Variants in CCDC124 observed in about 807,000 individuals in gnomAD.
The protein encoded by CCDC124 is coiled-coil domain containing 124.
In CCDC124, 9 loss-of-function variants were observed where a neutral mutation model predicts 19.8. The observed-to-expected ratio is 0.45, with a 90% CI of 0.27 to 0.79. The LOEUF is 0.79. Ranked by LOEUF, CCDC124 falls within the 30% of genes least tolerant of loss-of-function variation. The pLI is 0.14. For synonymous variants in CCDC124, 126 were observed against 131.3 expected (o/e 0.96, Z 0.27); for missense variants, 285 against 319.0 (o/e 0.89, Z 0.81).
Position 17,943,888 on chromosome 19 carries a change from C to T in CCDC124, c.*173C>T. On this transcript the variant is annotated 3_prime_UTR_variant, in exon 5 of 5. Coordinates refer to ENST00000445755, the MANE Select transcript of CCDC124 (RefSeq NM_001136203.2). ...GTCCTCCCGCCAGAGGGTCCCTGCC[C>T]CGAGTGACACCCCATCCCCTCCCAT... is the stretch of plus-strand genomic sequence containing the variant. 1 of 632,212 alleles carries T rather than the reference C, an allele frequency of 1.6e-6. No individual in the cohort carries two copies. The highest frequency in any genetic ancestry group is 2.8e-6 in the Non-Finnish European group (1 of 362,920). 39.2% of individuals were successfully genotyped at this position (632,212 alleles called of 1,614,324 possible).
At chr19:17,943,001 G>A (rs1460207121) in intron 3 of CCDC124, among the ~76,000 whole-genome samples, 156 bp downstream of exon 3, 3 of 152,174 alleles carry the variant, frequency 2.0e-5, no homozygotes, top group Admixed American at 6.5e-5. Context: ...GCCTGGCCGT[G>A]AGCAGACAAC....
At chr19:17,935,753 A>G (rs1249578591) in intron 1 of CCDC124, among the ~76,000 whole-genome samples, 1 of 150,966 alleles carries the variant, frequency 6.6e-6, no homozygotes, top group African/African-American at 2.4e-5. Context: ...AGCAATTTTT[A>G]TTTATTTTTA....
chr19:17,941,460 C>T (rs1475493868), intron 2 of CCDC124, among the ~76,000 whole-genome samples: 3 of 149,884 alleles, frequency 2.0e-5, no homozygotes, highest in Non-Finnish European at 3.0e-5. Context: ...TGCAGTGAGC[C>T]GAGATCGCAC....
chr19:17,939,064 A>C (rs184239239), intron 2 of CCDC124, among the ~76,000 whole-genome samples: 2 of 152,262 alleles, frequency 1.3e-5, no homozygotes, highest in Admixed American at 6.5e-5. Flanking sequence ...ACTATAGGAA[A>C]GTTGAAAACT....
chr19:17,933,597 T>C (rs925814956), intron 1 of CCDC124, among the ~76,000 whole-genome samples: 1 of 152,104 alleles, frequency 6.6e-6, no homozygotes, highest in Non-Finnish European at 1.5e-5. Context: ...GACCCATAGA[T>C]TGGGCTTCCC....
intron 2 of CCDC124, among the ~76,000 whole-genome samples, chr19:17,940,931 C>T (rs1220152055): frequency 2.6e-5 from 4 of 151,944 alleles, no homozygotes; most frequent in Non-Finnish European, 4.4e-5. Context: ...CCTGTAGTCC[C>T]AGCTACTCAG....
chr19:17,936,716 C>T, intron 2 of CCDC124, 137 bp downstream of exon 2: 2 of 1,071,604 alleles, frequency 1.9e-6, no homozygotes. Context: ...CGCTGTCGCT[C>T]ACGCCTGTCA....
At chr19:17,941,511 GAA>G (rs991648717) in intron 2 of CCDC124, among the ~76,000 whole-genome samples, 5 of 125,178 alleles carry the variant, frequency 4.0e-5, no homozygotes, top group African/African-American at 5.9e-5. Flanking sequence ...GACTGTCTCA[GAA>G]AAAAAAAAAA....
chr19:17,935,493 T>G (rs111753431), intron 1 of CCDC124, among the ~76,000 whole-genome samples: 11 of 151,814 alleles, frequency 7.2e-5, no homozygotes, highest in Middle Eastern at 6.8e-3. Flanking sequence ...TGATCTCAGC[T>G]CATTGCAACC....
Position 17,943,822 on chromosome 19 carries a change from G to C in CCDC124, c.*107G>C. ...GGTCACAGAGCGTTCCGGGGGCCAA[G>C]GCGCCGGGCCCCGGGGCCATGCTCT... On this transcript the variant is annotated 3_prime_UTR_variant, in exon 5 of 5. Coordinates refer to ENST00000445755, the MANE Select transcript of CCDC124 (RefSeq NM_001136203.2). The C allele has an allele frequency of 8.6e-7, 1 of 1,159,342 alleles. No homozygotes were observed. The highest frequency in any genetic ancestry group is 1.2e-6 in the Non-Finnish European group (1 of 810,014). The allele number at this position is 1,159,342 out of a possible 1,614,324, so 71.8% of individuals were successfully genotyped here. A position where few individuals can be genotyped will look rare whatever the true frequency, so the allele number is the denominator to read the frequency against.
rs1481247087 is a variant in CCDC124 at position 17,936,332 on chromosome 19, C to T, written c.-11-78C>T. On this transcript the variant is annotated intron_variant, in intron 1 of 4. Transcript: ENST00000445755. ...GAGGCCCCAAGAGGGTCATGGCTGCCCAAGTGTGATTCTGGGGGTGCTGAG... is the reference window on the plus strand; with the variant it reads ...GAGGCCCCAAGAGGGTCATGGCTGCTCAAGTGTGATTCTGGGGGTGCTGAG... The T allele has an allele frequency of 4.0e-6, 5 of 1,262,250 alleles. No homozygotes were observed. The East Asian group carries it at 1.2e-4, about 31-fold the overall frequency. The allele number at this position is 1,262,250 out of a possible 1,614,324, so 78.2% of individuals were successfully genotyped here. A position where few individuals can be genotyped will look rare whatever the true frequency, so the allele number is the denominator to read the frequency against.
intron 1 of CCDC124, among the ~76,000 whole-genome samples, 178 bp downstream of exon 1, chr19:17,933,226 T>G (rs1239490663): frequency 6.6e-6 from 1 of 152,148 alleles, no homozygotes; most frequent in East Asian, 1.9e-4. Context: ...ATTTCCAGAC[T>G]AGACGATTGA....
intron 1 of CCDC124, 128 bp downstream of exon 1, chr19:17,933,176 G>A (rs1020509716): frequency 6.6e-6 from 1 of 152,400 alleles, no homozygotes; most frequent in Non-Finnish European, 1.5e-5. Context: ...GAGCACTTCT[G>A]GCGTCCAGTC....
chr19:17,939,365 A>T (rs1181449609), intron 2 of CCDC124, among the ~76,000 whole-genome samples: 1 of 151,900 alleles, frequency 6.6e-6, no homozygotes, highest in African/African-American at 2.4e-5. Context: ...ACTGCACTCC[A>T]GTCTGGGTGA....
Position 17,943,489 on chromosome 19 carries a change from C to T in CCDC124, c.465-19C>T, listed in dbSNP as rs777086914. ...CAAGGCTGCGCCCAAGGCCCCCTGA[C>T]GCTCATGTCCACCCCCAGCGTGGCG... On this transcript the variant is annotated intron_variant, in intron 4 of 4. Coordinates refer to ENST00000445755, the MANE Select transcript of CCDC124 (RefSeq NM_001136203.2). 78 of 1,605,678 alleles carry T rather than the reference C, an allele frequency of 4.9e-5. No individual in the cohort carries two copies. Among genetic ancestry groups the T allele is most frequent in the Middle Eastern group, 1.7e-4 (1 of 5,920 alleles).
At chr19:17,935,410 C>T (rs1018391772) in intron 1 of CCDC124, among the ~76,000 whole-genome samples, 4 of 151,826 alleles carry the variant, frequency 2.6e-5, no homozygotes, top group African/African-American at 9.7e-5. Flanking sequence ...TATACTTAAA[C>T]ACTGAATTGT....
chr19:17,943,464 C>G (rs368177324), intron 4 of CCDC124, 44 bp from the exon 5 acceptor site: 6 of 1,592,200 alleles, frequency 3.8e-6, no homozygotes, highest in Non-Finnish European at 5.1e-6. Context: ...CTTTTCGGGG[C>G]AAGGCTGCGC....
At position 17,942,661 on chromosome 19, in the gene CCDC124, G is replaced by A. The variant is rs1195189925; in HGVS notation, c.165G>A (p.Glu55=). 2.6e-6 allele frequency: 4 copies of A among 1,555,144 alleles called. No individual in the cohort carries two copies. The Admixed American group carries it at 5.9e-5, about 23-fold the overall frequency. Residue 55 remains glutamate (E), a synonymous_variant, in exon 3 of 5, where the codon GAG becomes GAA. Coordinates refer to ENST00000445755, the MANE Select transcript of CCDC124 (RefSeq NM_001136203.2). The surrounding 1 kb of genome is among the most constrained non-coding windows in gnomAD (Gnocchi z 4.2). ...HVMRKEQRKE[E]KEKRRLDQLE... ...CATGCACGCCGCCCCCGCAGGAGGA[G>A]AAGGAGAAGCGGCGCCTCGACCAGC... is the stretch of plus-strand genomic sequence containing the variant.
intron 4 of CCDC124, 45 bp from the exon 5 acceptor site, chr19:17,943,463 G>T (rs760151822): frequency 6.3e-7 from 1 of 1,591,228 alleles, no homozygotes; most frequent in South Asian, 1.1e-5. Flanking sequence ...GCTTTTCGGG[G>T]CAAGGCTGCG....
Sources: gnomAD v4.1 joint callset for allele counts (sites outside exome capture counted in the v4.1 genomes callset) on GRCh38, gnomAD v4.1.1 for gene constraint, Gnocchi (gnomAD v3.1) non-coding constraint, MANE v1.5 for transcripts, NCBI Gene and HGNC (gene_info 2026-07-23, HGNC 2026-07-21) for gene names.